The following PRUNE2 variants were observed in gnomAD, a reference collection of about 807,000 sequenced individuals.
The protein encoded by PRUNE2 is protein prune homolog 2.
Under a neutral mutation model 252.0 loss-of-function variants are expected in PRUNE2, and 164 were observed. The ratio of observed to expected loss-of-function variants is 0.65; its 90% CI spans 0.57 to 0.74. The LOEUF (loss-of-function observed/expected upper bound fraction) is 0.74, where lower values mean the gene tolerates loss of function less well. PRUNE2 is among the 30% of genes least tolerant of loss of function. PRUNE2 has a pLI of 0.00. For synonymous variants in PRUNE2, 1,292 were observed against 1,350.2 expected (o/e 0.96, Z 0.94); for missense variants, 3,495 against 3,711.0 (o/e 0.94, Z 1.51).
intron 5 of PRUNE2, 139 bp from the exon 6 acceptor site, chr9:76,823,865 C>T: frequency 1.7e-6 from 1 of 596,824 alleles, no homozygotes; most frequent in South Asian, 2.0e-5. Context: ...ACAATAAACA[C>T]ACACACACAC....
At chr9:76,631,046 C>A (rs1055636700) in intron 15 of PRUNE2, among the ~76,000 whole-genome samples, 24 of 152,158 alleles carry the variant, frequency 1.6e-4, no homozygotes, top group Non-Finnish European at 4.4e-5. Context: ...ACTTTACTTG[C>A]AATTTTGGCC....
At chr9:76,890,799 T>C (rs1330910423) in intron 1 of PRUNE2, among the ~76,000 whole-genome samples, 1 of 152,204 alleles carries the variant, frequency 6.6e-6, no homozygotes, top group Non-Finnish European at 1.5e-5. Context: ...AGGGCAAGTA[T>C]CAACCCAAAA....
intron 6 of PRUNE2, among the ~76,000 whole-genome samples, chr9:76,799,904 T>C (rs2056423231): frequency 1.3e-5 from 2 of 152,084 alleles, no homozygotes; most frequent in South Asian, 2.1e-4. Flanking sequence ...CACCTACCCA[T>C]AGGTGATAGA....
At chr9:76,893,594 C>G (rs2062625091) in intron 1 of PRUNE2, among the ~76,000 whole-genome samples, 1 of 152,186 alleles carries the variant, frequency 6.6e-6, no homozygotes, top group Non-Finnish European at 1.5e-5. Context: ...TAAATGCCAG[C>G]CTATGAAACC....
intron 6 of PRUNE2, among the ~76,000 whole-genome samples, chr9:76,818,046 T>C (rs2057800642): frequency 1.3e-5 from 2 of 152,320 alleles, no homozygotes; most frequent in Admixed American, 1.3e-4. Context: ...CTAAGCAATA[T>C]GCTAAAGATT....
At chr9:76,721,719 G>C (rs1292512546) in intron 6 of PRUNE2, among the ~76,000 whole-genome samples, 1 of 152,210 alleles carries the variant, frequency 6.6e-6, no homozygotes, top group Non-Finnish European at 1.5e-5. Context: ...GGACTGCTGA[G>C]TTACTGAAAT....
At position 76,708,931 on chromosome 9, in the gene PRUNE2, A is replaced by G. The variant is rs751118488; in HGVS notation, c.3343T>C (p.Trp1115Arg). The G allele has an allele frequency of 1.9e-6, 3 of 1,613,966 alleles. No individual in the cohort carries two copies. Among genetic ancestry groups the G allele is most frequent in the Non-Finnish European group, 2.5e-6 (3 of 1,179,898 alleles). Reference protein sequence around the residue: ...RQTAPDSLDLWNRVILEDTQS... With the variant: ...RQTAPDSLDLRNRVILEDTQS... ...GTATCCTCCAAAATCACTCTGTTCCACAAGTCGAGACTGTCAGGGGCCGTC... is the reference window on the plus strand; with the variant it reads ...GTATCCTCCAAAATCACTCTGTTCCGCAAGTCGAGACTGTCAGGGGCCGTC... The change falls in exon 8 of 19, where the codon TGG (tryptophan) becomes CGG (arginine). Residue 1115 changes from tryptophan to arginine, a missense_variant. Trp to Arg is a moderately radical substitution (Grantham distance 101, BLOSUM62 -3). Coordinates refer to ENST00000376718, the MANE Select transcript of PRUNE2 (RefSeq NM_015225.3).
Position 76,846,681 on chromosome 9 carries a change from G to A in PRUNE2, c.345-3C>T, listed in dbSNP as rs1244887681. 3 of 1,611,752 alleles carry A rather than the reference G, an allele frequency of 1.9e-6. No individual in the cohort carries two copies. Among genetic ancestry groups the A allele is most frequent in the Non-Finnish European group, 1.7e-6 (2 of 1,178,076 alleles). On this transcript the variant is annotated splice_region_variant and splice_polypyrimidine_tract_variant and intron_variant, in intron 3 of 18. Transcript: ENST00000376718. ...CTGATTCTAAAGTTTTGTCTTCACT[G>A]TAAAGCAAATGGAGGGGAGGAAGAG...
chr9:76,629,235 G>A lies in PRUNE2; in HGVS notation c.9106C>T (p.Leu3036=). 6.2e-7 allele frequency: 1 copy of A among 1,604,876 alleles called. No individual in the cohort carries two copies. Among genetic ancestry groups the A allele is most frequent in the Non-Finnish European group, 8.5e-7 (1 of 1,175,678 alleles). Residue 3036 remains leucine, a synonymous_variant, in exon 16 of 19, where the codon CTG becomes TTG. Coordinates refer to ENST00000376718, the MANE Select transcript of PRUNE2 (RefSeq NM_015225.3). ...ATGTGGATGCAATCCATTGGGATCA[G>A]CCCACTGAGTTCTGATAAGCTATTG... The part of the protein sequence containing the change: ...YVNSLSELSG[L]IPMDCIHIPE...
chr9:76,705,985 T>A lies in PRUNE2; in HGVS notation c.6289A>T (p.Ser2097Cys). 1.2e-6 allele frequency: 2 copies of A among 1,614,028 alleles called. No homozygotes were observed. Among genetic ancestry groups the A allele is most frequent in the African/African-American group, 1.3e-5 (1 of 75,060 alleles). Residue 2097 changes from serine (S) to cysteine (C), a missense_variant, in exon 8 of 19, where the codon AGC becomes TGC. Ser to Cys is a moderately radical substitution (Grantham distance 112). Transcript: ENST00000376718. ...GGGCTGTCGGAAGCCTGAGAATTGCTGTCATGTTCGCAGTGCGTCAGGATA... is the reference window on the plus strand; with the variant it reads ...GGGCTGTCGGAAGCCTGAGAATTGCAGTCATGTTCGCAGTGCGTCAGGATA... ...PDILTHCEHD[S>C]NSQASDSPDI... is the part of the protein sequence containing the mutation.
chr9:76,627,693 G>A (rs563208018), intron 16 of PRUNE2, among the ~76,000 whole-genome samples: 3 of 152,260 alleles, frequency 2.0e-5, no homozygotes, highest in Non-Finnish European at 4.4e-5. Context: ...AGGATTCTCT[G>A]AGAGAGGTAA....
At chr9:76,629,167 C>T in intron 16 of PRUNE2, 25 bp downstream of exon 16, 1 of 1,433,578 alleles carries the variant, frequency 7.0e-7, no homozygotes, top group Non-Finnish European at 9.7e-7. Flanking sequence ...TTTCTTAACA[C>T]ATCTCTGAAA....
intron 6 of PRUNE2, chr9:76,737,313 CA>C (rs1179885035): frequency 1.3e-5 from 2 of 152,212 alleles, no homozygotes; most frequent in Admixed American, 1.3e-4. Flanking sequence ...CACAGATGAG[CA>C]TTCAAACCAA....
At position 76,879,877 on chromosome 9, in the gene PRUNE2, T is replaced by A. The variant is rs1162175337; in HGVS notation, c.37-25669A>T. 3.2e-5 allele frequency among the ~76,000 whole-genome samples: 4 copies of A among 123,412 alleles called. No homozygotes were observed. The Admixed American group carries it at 3.3e-4, about 10-fold the overall frequency. The allele number at this position is 123,412 out of a possible 152,430, so 81.0% of individuals were successfully genotyped here. ...CTCAGTTCTGTAAGAAAGAGGCCTGTCATATATATATATATATATATATAT... is the reference window on the plus strand; with the variant it reads ...CTCAGTTCTGTAAGAAAGAGGCCTGACATATATATATATATATATATATAT... On this transcript the variant is annotated intron_variant, in intron 1 of 18. Transcript: ENST00000376718.
At chr9:76,827,910 T>A (rs2058438721) in intron 4 of PRUNE2, among the ~76,000 whole-genome samples, 2 of 152,228 alleles carry the variant, frequency 1.3e-5, no homozygotes, top group South Asian at 4.1e-4. Context: ...TAAATATTGC[T>A]AAATATATTT....
chr9:76,737,174 AC>A (rs1203007746), intron 6 of PRUNE2: 1 of 152,222 alleles, frequency 6.6e-6, no homozygotes, highest in Non-Finnish European at 1.5e-5. Flanking sequence ...ACAAGAGGCT[AC>A]CTTGTACCTT....
intron 6 of PRUNE2, among the ~76,000 whole-genome samples, chr9:76,746,738 A>AAC (rs2050159273): frequency 2.4e-5 from 3 of 123,640 alleles, no homozygotes; most frequent in Non-Finnish European, 5.1e-5. Flanking sequence ...AAAAAAAAAA[A>AAC]AAACCCCAAA....
intron 17 of PRUNE2, among the ~76,000 whole-genome samples, chr9:76,624,022 G>A (rs1235104337): frequency 1.3e-5 from 2 of 152,172 alleles, no homozygotes; most frequent in Admixed American, 6.5e-5. Context: ...GTAAGTTGTT[G>A]TTTTAATTCA....
intron 1 of PRUNE2, among the ~76,000 whole-genome samples, chr9:76,886,382 G>T (rs575223217): frequency 6.6e-6 from 1 of 152,112 alleles, no homozygotes; most frequent in East Asian, 1.9e-4. Flanking sequence ...TCACCTTAAG[G>T]CTCTCAGGCT....
Sources: allele counts gnomAD v4.1 joint callset (sites outside exome capture counted in the v4.1 genomes callset), GRCh38; gene constraint gnomAD v4.1.1; transcripts MANE v1.5; gene names NCBI Gene and HGNC (gene_info 2026-07-23, HGNC 2026-07-21).